MACROD2: variants seen among roughly 807,000 people sequenced by gnomAD.
MACROD2 encodes the protein mono-ADP ribosylhydrolase 2, also known as ADP-ribose glycohydrolase MACROD2.
In MACROD2, 36 loss-of-function variants were observed where a neutral mutation model predicts 70.4. That is an observed-to-expected ratio of 0.51 (90% CI 0.39 to 0.68). The LOEUF (loss-of-function observed/expected upper bound fraction) is 0.68, where lower values mean the gene tolerates loss of function less well. Ranked by LOEUF, MACROD2 falls within the 30% of genes least tolerant of loss-of-function variation. The pLI is 0.00. For synonymous variants in MACROD2, 172 were observed against 178.8 expected (o/e 0.96, Z 0.30); for missense variants, 496 against 538.4 (o/e 0.92, Z 0.78).
chr20:14,841,872 A>G (rs1332373800), intron 5 of MACROD2, among the ~76,000 whole-genome samples: 1 of 152,070 alleles, frequency 6.6e-6, no homozygotes, highest in East Asian at 1.9e-4. Flanking sequence ...GGTACTATAG[A>G]GTAGAGACCA....
At chr20:14,488,759 G>T (rs2084762286) in intron 3 of MACROD2, among the ~76,000 whole-genome samples, 2 of 152,126 alleles carry the variant, frequency 1.3e-5, no homozygotes, top group Admixed American at 1.3e-4. Flanking sequence ...GTAAAATAAA[G>T]GGGTTGGACC....
chr20:15,632,324 T>C lies in MACROD2; in HGVS notation c.645+132477T>C, dbSNP rs965595697. ...TTGTAAACATTTACTGAGCACATAC[T>C]CTGTATAAAGCCATATGCTATGCTT... On this transcript the variant is annotated intron_variant, in intron 8 of 17. Coordinates refer to ENST00000684519, the MANE Select transcript of MACROD2 (RefSeq NM_001351661.2). 4.6e-5 allele frequency among the ~76,000 whole-genome samples: 7 copies of C among 152,308 alleles called. No homozygotes were observed. The South Asian group carries it at 1.5e-3, about 32-fold the overall frequency.
At chr20:15,350,251 G>A (rs1176434823) in intron 6 of MACROD2, among the ~76,000 whole-genome samples, 2 of 152,194 alleles carry the variant, frequency 1.3e-5, no homozygotes, top group Non-Finnish European at 2.9e-5. Context: ...TGATCATAAT[G>A]ATAATGTTGT....
At position 15,509,581 on chromosome 20, in the gene MACROD2, A is replaced by C. The variant is rs575986573; in HGVS notation, c.645+9734A>C. On this transcript the variant is annotated intron_variant, in intron 8 of 17. Coordinates refer to ENST00000684519, the MANE Select transcript of MACROD2 (RefSeq NM_001351661.2). ...TGTACTCAGGAGCTCACTATGTAAC[A>C]GAAGCTCAGCTCCTCTTCCGTGCAG... Among the ~76,000 whole-genome samples, 55 of 152,316 alleles carry C rather than the reference A, an allele frequency of 3.6e-4. 1 individual carries two copies. Among genetic ancestry groups the C allele is most frequent in the African/African-American group, 1.3e-3 (55 of 41,568 alleles).
intron 4 of MACROD2, among the ~76,000 whole-genome samples, chr20:14,617,663 T>G (rs1983560177): frequency 6.6e-6 from 1 of 152,162 alleles, no homozygotes; most frequent in Non-Finnish European, 1.5e-5. Flanking sequence ...TAACTACTTT[T>G]AAGAAGTAGT....
intron 4 of MACROD2, among the ~76,000 whole-genome samples, chr20:14,679,385 C>A (rs1281401227): frequency 2.6e-5 from 4 of 152,092 alleles, no homozygotes; most frequent in African/African-American, 4.8e-5. Flanking sequence ...ACAGCAAGGT[C>A]ATGGGTGTGG....
chr20:15,395,355 T>G (rs986931715), intron 6 of MACROD2, among the ~76,000 whole-genome samples: 2 of 152,234 alleles, frequency 1.3e-5, no homozygotes, highest in African/African-American at 4.8e-5. Flanking sequence ...TGTCATTTCT[T>G]TTGTCCTAAA....
At chr20:14,843,868 A>G (rs999851731) in intron 5 of MACROD2, among the ~76,000 whole-genome samples, 1 of 152,020 alleles carries the variant, frequency 6.6e-6, no homozygotes, top group African/African-American at 2.4e-5. Flanking sequence ...TTTCTCTTTC[A>G]GCCTTAACTT....
At chr20:15,011,895 C>T (rs1165722974) in intron 5 of MACROD2, among the ~76,000 whole-genome samples, 1 of 152,096 alleles carries the variant, frequency 6.6e-6, no homozygotes, top group Admixed American at 6.6e-5. Flanking sequence ...ATGCATTGAG[C>T]GCCGTGTGCT....
chr20:15,318,966 A>T (rs1355385443), intron 6 of MACROD2, among the ~76,000 whole-genome samples: 1 of 152,182 alleles, frequency 6.6e-6, no homozygotes, highest in East Asian at 1.9e-4. Context: ...CAGACAGAGG[A>T]TGTAGGCAAG....
At chr20:15,319,690 T>C (rs113054236) in intron 6 of MACROD2, among the ~76,000 whole-genome samples, 5,271 of 152,276 alleles carry the variant, frequency 0.035, 143 homozygotes, top group Non-Finnish European at 0.058. Flanking sequence ...TACATGTGCA[T>C]TGAAGCACTA....
chr20:14,982,584 G>A (rs1325415562), intron 5 of MACROD2, among the ~76,000 whole-genome samples: 2 of 152,168 alleles, frequency 1.3e-5, no homozygotes, highest in African/African-American at 4.8e-5. Flanking sequence ...GGCTGAAAGG[G>A]GCCAACGCAG....
chr20:14,443,640 T>G (rs890829243), intron 3 of MACROD2, among the ~76,000 whole-genome samples: 4 of 152,128 alleles, frequency 2.6e-5, no homozygotes, highest in Non-Finnish European at 5.9e-5. Context: ...GTATTCAGCT[T>G]CTTTTTATGG....
chr20:15,525,776 G>A (rs1272897570), intron 8 of MACROD2, among the ~76,000 whole-genome samples: 1 of 152,136 alleles, frequency 6.6e-6, no homozygotes, highest in Non-Finnish European at 1.5e-5. Flanking sequence ...CCTTTTTGGT[G>A]TTATGACTAT....
chr20:15,148,708 G>A (rs538718511), intron 5 of MACROD2, among the ~76,000 whole-genome samples: 1 of 152,004 alleles, frequency 6.6e-6, no homozygotes, highest in Non-Finnish European at 1.5e-5. Context: ...GCTCAAATGG[G>A]CCGTACCCTG....
chr20:14,410,023 C>T (rs1480185779), intron 3 of MACROD2, among the ~76,000 whole-genome samples: 1 of 152,106 alleles, frequency 6.6e-6, no homozygotes, highest in East Asian at 1.9e-4. Context: ...CTGAAGCCAA[C>T]TCAGCTTGGA....
chr20:15,986,949 CT>C (rs2066492928), intron 14 of MACROD2, 116 bp from the exon 15 acceptor site: 1 of 1,069,806 alleles, frequency 9.3e-7, no homozygotes, highest in South Asian at 1.5e-5. Flanking sequence ...CTTGGTGTAC[CT>C]ATTGAAACTT....
chr20:14,510,195 T>C (rs1173273011), intron 4 of MACROD2, among the ~76,000 whole-genome samples: 4 of 152,032 alleles, frequency 2.6e-5, no homozygotes, highest in Admixed American at 2.6e-4. Context: ...TAGCTCAAGG[T>C]TTACATTTGA....
chr20:14,351,277 G>A (rs1156528601), intron 3 of MACROD2, among the ~76,000 whole-genome samples: 1 of 151,750 alleles, frequency 6.6e-6, no homozygotes, highest in African/African-American at 2.4e-5. Context: ...TTAAATTTCT[G>A]TGAAGATTGT....
Sources: allele counts gnomAD v4.1 joint callset (sites outside exome capture counted in the v4.1 genomes callset), GRCh38; gene constraint gnomAD v4.1.1; transcripts MANE v1.5; gene names NCBI Gene and HGNC (gene_info 2026-07-23, HGNC 2026-07-21).